Variants in SGSM2 observed in about 807,000 individuals in gnomAD.
The protein encoded by SGSM2 is small G protein signaling modulator 2, also known as RUN and TBC1 domain containing 1.
Under a neutral mutation model 126.6 loss-of-function variants are expected in SGSM2, and 89 were observed. That is an observed-to-expected ratio of 0.70 (90% CI 0.59 to 0.84). The LOEUF is 0.84. Ranked by LOEUF, SGSM2 falls within the 40% of genes least tolerant of loss-of-function variation. The probability of loss-of-function intolerance (pLI) is 0.00; values close to 1 mark genes in which losing one functional copy is unlikely to be tolerated. For missense variants in SGSM2, 1,404 were observed against 1,416.6 expected (o/e 0.99, Z 0.14); for synonymous variants, 614 against 574.3 (o/e 1.07, Z -0.99).
intron 11 of SGSM2, chr17:2,366,984 A>T: frequency 5.3e-6 from 2 of 374,220 alleles, no homozygotes; most frequent in South Asian, 4.6e-5. Flanking sequence ...CATCCCAGAC[A>T]GTCCCGGTCT....
At chr17:2,374,830 T>G (rs930088855) in intron 17 of SGSM2, among the ~76,000 whole-genome samples, 2 of 152,092 alleles carry the variant, frequency 1.3e-5, no homozygotes, top group Non-Finnish European at 2.9e-5. Context: ...AGAAACTACT[T>G]TTAGCATTGC....
chr17:2,364,510 CGTGGGGT>C, intron 8 of SGSM2, 79 bp from the exon 9 acceptor site: 1 of 1,443,850 alleles, frequency 6.9e-7, no homozygotes, highest in Non-Finnish European at 9.7e-7. Flanking sequence ...AGGGGAGTTT[CGTGGGGT>C]GGTAGGACCA....
intron 18 of SGSM2, 64 bp downstream of exon 18, chr17:2,375,939 G>A (rs2151635406): frequency 2.0e-6 from 3 of 1,512,306 alleles, no homozygotes; most frequent in East Asian, 2.3e-5. Context: ...TCCCAGAGCT[G>A]GGGAAGCGCT....
In SGSM2 at chr17:2,337,714, A is replaced by G; in HGVS notation, c.26A>G (p.Lys9Arg). The change falls in exon 1 of 24, where the codon AAA (lysine) becomes AGA (arginine). Residue 9 changes from lysine to arginine, a missense_variant. By Grantham distance (26) the Lys-to-Arg change is conservative. Transcript: ENST00000268989. The surrounding 1 kb of genome is among the most constrained non-coding windows in gnomAD (Gnocchi z 5.1). ...ATGGGCAGCGCAGAGGACGCAGTCA[A>G]AGAGAAACTGCTGTGGAACGTGAAG... Reference protein sequence around the residue: MGSAEDAVKEKLLWNVKKE... With the variant: MGSAEDAVREKLLWNVKKE... 2 of 1,543,998 alleles carry G rather than the reference A, an allele frequency of 1.3e-6. No individual in the cohort carries two copies. Among genetic ancestry groups the G allele is most frequent in the Non-Finnish European group, 1.8e-6 (2 of 1,142,830 alleles).
chr17:2,342,381 G>T (rs1489971667), intron 1 of SGSM2, among the ~76,000 whole-genome samples: 1 of 151,908 alleles, frequency 6.6e-6, no homozygotes, highest in Admixed American at 6.6e-5. Flanking sequence ...CTGAGAACGC[G>T]CCACTTCACT....
intron 11 of SGSM2, 71 bp downstream of exon 11, chr17:2,365,412 C>T: frequency 6.8e-7 from 1 of 1,461,188 alleles, no homozygotes; most frequent in Non-Finnish European, 9.1e-7. Flanking sequence ...GCAGCGTCAC[C>T]CAGGAGGGCA....
intron 13 of SGSM2, chr17:2,371,728 T>C: frequency 2.5e-6 from 1 of 405,162 alleles, no homozygotes; most frequent in Non-Finnish European, 4.4e-6. Context: ...CATCATGGGC[T>C]CAGTGCCCGT....
chr17:2,377,641 C>G (rs1260173453), intron 21 of SGSM2: 5 of 459,458 alleles, frequency 1.1e-5, no homozygotes, highest in African/African-American at 2.0e-5. Flanking sequence ...TAATGCAGCT[C>G]AGAGAGATGG....
At chr17:2,342,188 G>A (rs756455580) in intron 1 of SGSM2, among the ~76,000 whole-genome samples, 11 of 151,728 alleles carry the variant, frequency 7.2e-5, no homozygotes, top group African/African-American at 2.4e-4. Context: ...AGGCCAACGC[G>A]GGTGGATCAC....
At chr17:2,346,220 C>T (rs893774497) in intron 2 of SGSM2, among the ~76,000 whole-genome samples, 2 of 152,108 alleles carry the variant, frequency 1.3e-5, no homozygotes, top group Admixed American at 1.3e-4. Flanking sequence ...AGAGTGAAGT[C>T]TGTGGAGACT....
intron 22 of SGSM2, among the ~76,000 whole-genome samples, chr17:2,378,253 G>A (rs1035918216): frequency 3.3e-5 from 5 of 152,006 alleles, no homozygotes; most frequent in African/African-American, 1.2e-4. Flanking sequence ...GCAACATAGC[G>A]AGACCCTGTC....
chr17:2,359,747 G>A lies in SGSM2; in HGVS notation c.134-1890G>A, dbSNP rs777132190. On this transcript the variant is annotated intron_variant, in intron 2 of 23. Coordinates refer to ENST00000268989, the MANE Select transcript of SGSM2 (RefSeq NM_014853.3). ...GGTCGCCTAGGGAAGGTGGGGAAGCGAATGACTCATTATCCCGGCAATTAA... is the reference window on the plus strand; with the variant it reads ...GGTCGCCTAGGGAAGGTGGGGAAGCAAATGACTCATTATCCCGGCAATTAA... Among the ~76,000 whole-genome samples, 19 of 152,212 alleles carry A rather than the reference G, an allele frequency of 1.2e-4. No individual in the cohort carries two copies. In the East Asian group the frequency reaches 2.7e-3, roughly 22 times the overall value.
At chr17:2,348,958 T>A (rs1285985700) in intron 2 of SGSM2, among the ~76,000 whole-genome samples, 1 of 151,914 alleles carries the variant, frequency 6.6e-6, no homozygotes, top group African/African-American at 2.4e-5. Flanking sequence ...GAGACGGGGT[T>A]TCGCCATGTT....
In SGSM2 at chr17:2,363,715, T is replaced by C. The variant is rs2151571722; in HGVS notation, c.807+116T>C. The C allele has an allele frequency of 2.8e-6, 4 of 1,419,636 alleles. No homozygotes were observed. The highest frequency in any genetic ancestry group is 4.8e-4 in the Middle Eastern group (2 of 4,152). The allele number at this position is 1,419,636 out of a possible 1,614,324, so 87.9% of individuals were successfully genotyped here. ...GCTTGACCAGAGACGGGGGGGAGAA[T>C]GGCCCCAGCCTCCCAACTCCCTGTT... On this transcript the variant is annotated intron_variant, in intron 7 of 23. Coordinates refer to ENST00000268989, the MANE Select transcript of SGSM2 (RefSeq NM_014853.3). This position sits in a 1 kb window ranked among gnomAD's most constrained non-coding sequence, Gnocchi z 4.2.
chr17:2,377,263 A>T, intron 21 of SGSM2, 195 bp downstream of exon 21: 1 of 546,396 alleles, frequency 1.8e-6, no homozygotes, highest in Non-Finnish European at 3.2e-6. Context: ...AGGCAGGCGG[A>T]TCACGAAGTC....
At chr17:2,365,368 G>A in intron 11 of SGSM2, 27 bp downstream of exon 11, 1 of 1,514,842 alleles carries the variant, frequency 6.6e-7, no homozygotes, top group Admixed American at 2.1e-5. Context: ...TCATCCCGGG[G>A]GAGGAGAGGA....
At chr17:2,351,239 C>G (rs573144759) in intron 2 of SGSM2, among the ~76,000 whole-genome samples, 1 of 150,402 alleles carries the variant, frequency 6.6e-6, no homozygotes, top group South Asian at 2.1e-4. Flanking sequence ...GGCAATAGAT[C>G]GAGACTCAGT....
intron 17 of SGSM2, chr17:2,374,269 T>G (rs947332310): frequency 1.3e-5 from 2 of 152,226 alleles, no homozygotes; most frequent in Non-Finnish European, 2.9e-5. Context: ...ACAGAAAATG[T>G]AAGTTGAAGT....
rs764934449 is a variant in SGSM2 at position 2,337,740 on chromosome 17, A to G, written c.52A>G (p.Lys18Glu). 6 of 1,538,940 alleles carry G rather than the reference A, an allele frequency of 3.9e-6. No homozygotes were observed. Among genetic ancestry groups the G allele is most frequent in the Admixed American group, 3.8e-5 (2 of 52,972 alleles). Reference sequence around the variant, plus strand: ...AGAGAAACTGCTGTGGAACGTGAAGAAGGAGGTAAAGTCGAGTCAAGAACC... The same window carrying G: ...AGAGAAACTGCTGTGGAACGTGAAGGAGGAGGTAAAGTCGAGTCAAGAACC... Reference protein sequence around the residue: ...VKEKLLWNVKKEVKQIMEEAV... With the variant: ...VKEKLLWNVKEEVKQIMEEAV... The change falls in exon 1 of 24, where the codon AAG (lysine) becomes GAG (glutamate). Residue 18 changes from lysine to glutamate, a missense_variant. Transcript: ENST00000268989. This position sits in a 1 kb window ranked among gnomAD's most constrained non-coding sequence, Gnocchi z 5.1.
Sources: gnomAD v4.1 joint callset for allele counts (sites outside exome capture counted in the v4.1 genomes callset) on GRCh38, gnomAD v4.1.1 for gene constraint, Gnocchi (gnomAD v3.1) non-coding constraint, MANE v1.5 for transcripts, NCBI Gene and HGNC (gene_info 2026-07-23, HGNC 2026-07-21) for gene names.